The following WAPL variants were observed in gnomAD, a reference collection of about 807,000 sequenced individuals.
The protein encoded by WAPL is wings apart-like protein homolog.
WAPL carries 5 observed loss-of-function variants against 121.0 expected under a neutral mutation model. The observed-to-expected ratio is 0.04, with a 90% CI of 0.02 to 0.09. The LOEUF is 0.09. Among genes scored for constraint, WAPL ranks in the 10% least tolerant of loss-of-function variants. The pLI is 1.00. For missense variants in WAPL, 999 were observed against 1,410.8 expected (o/e 0.71, Z 4.68); for synonymous variants, 480 against 481.5 (o/e 1.00, Z 0.04).
chr10:86,447,147 T>C lies in WAPL; in HGVS notation c.3115-698A>G, dbSNP rs145048024. The stretch of plus-strand genomic sequence containing the variant: ...GTTTCTTCTTTCACTGAGTGCACAG[T>C]GGAGTTTTGGAATCTACATGCCATG... On this transcript the variant is annotated intron_variant, in intron 15 of 18. Transcript: ENST00000298767. Among the ~76,000 whole-genome samples the C allele has an allele frequency of 2.7e-3, 405 of 152,334 alleles. 1 individual carries two copies. Among genetic ancestry groups the C allele is most frequent in the Admixed American group, 5.2e-3 (80 of 15,304 alleles).
chr10:86,445,843 T>C (rs578086304), intron 16 of WAPL, among the ~76,000 whole-genome samples: 1 of 152,298 alleles, frequency 6.6e-6, no homozygotes, highest in East Asian at 1.9e-4. Flanking sequence ...GTTTACCATC[T>C]AGTACTTACA....
intron 11 of WAPL, among the ~76,000 whole-genome samples, chr10:86,459,638 T>A (rs1357717968): frequency 1.3e-5 from 2 of 152,254 alleles, no homozygotes; most frequent in African/African-American, 4.8e-5. Flanking sequence ...TCGCTGCAGT[T>A]CAACAGTATC....
chr10:86,505,997 C>A (rs1842341987), intron 2 of WAPL, among the ~76,000 whole-genome samples: 1 of 152,150 alleles, frequency 6.6e-6, no homozygotes, highest in African/African-American at 2.4e-5. Flanking sequence ...TGGTTCATGA[C>A]AGTAATACCA....
intron 2 of WAPL, among the ~76,000 whole-genome samples, chr10:86,504,423 TC>T (rs1399898796): frequency 1.3e-5 from 2 of 150,982 alleles, no homozygotes; most frequent in African/African-American, 4.9e-5. Flanking sequence ...ACGCCTGTAA[TC>T]CCAGCACTTT....
chr10:86,496,258 C>T (rs1240792331), intron 4 of WAPL, among the ~76,000 whole-genome samples: 1 of 152,150 alleles, frequency 6.6e-6, no homozygotes, highest in Admixed American at 6.6e-5. Flanking sequence ...CCACTTCACA[C>T]CCATTAGGCT....
chr10:86,504,866 G>C (rs1391120231), intron 2 of WAPL, among the ~76,000 whole-genome samples: 2 of 151,934 alleles, frequency 1.3e-5, no homozygotes, highest in African/African-American at 4.8e-5. Context: ...TGATGCCAAA[G>C]AACTTTTTTG....
intron 17 of WAPL, 29 bp downstream of exon 17, chr10:86,443,246 C>T (rs764974150): frequency 2.0e-6 from 3 of 1,538,078 alleles, no homozygotes; most frequent in East Asian, 4.5e-5. Context: ...TTCAAAGATA[C>T]ATAAAACATC....
In WAPL at chr10:86,467,501, C is replaced by G. The variant is rs370535099; in HGVS notation, c.2148G>C (p.Leu716=). 11 of 1,602,672 alleles carry G rather than the reference C, an allele frequency of 6.9e-6. No individual in the cohort carries two copies. The highest frequency in any genetic ancestry group is 2.2e-5 in the East Asian group (1 of 44,788). ...ACATGAGGGCAGCTGTACAGAGGGA[C>G]AGATTCTTCAACAGGCCAAAAAAAG... ...TLDDSQHHQN[L]SLCTAALMYI... is the part of the protein sequence containing the mutation. The change falls in exon 9 of 19, where the codon CTG becomes CTC. Residue 716 remains leucine, a synonymous_variant. Transcript: ENST00000298767.
chr10:86,461,453 G>A (rs548414303), intron 9 of WAPL, among the ~76,000 whole-genome samples, 166 bp from the exon 10 acceptor site: 2 of 152,186 alleles, frequency 1.3e-5, no homozygotes, highest in African/African-American at 4.8e-5. Context: ...ATTGAACAAA[G>A]TTTTTTAACC....
At position 86,517,742 on chromosome 10, in the gene WAPL, T is replaced by G. The variant is rs1842587925; in HGVS notation, c.328A>C (p.Thr110Pro). ...TTGCTATTAGCTTCAAGTACTGAAG[T>G]GACCTCTTCCAACTGAGCAGCTTCA... ...SSEAAQLEEV[T>P]SVLEANSKIS... Residue 110 changes from threonine to proline, a missense_variant, in exon 2 of 19, where the codon ACT (threonine) becomes CCT (proline). Thr to Pro is a conservative substitution (Grantham distance 38). Transcript: ENST00000298767. 6.2e-7 allele frequency: 1 copy of G among 1,614,220 alleles called. No homozygotes were observed. Among genetic ancestry groups the G allele is most frequent in the South Asian group, 1.1e-5 (1 of 91,086 alleles).
intron 2 of WAPL, among the ~76,000 whole-genome samples, chr10:86,509,888 C>T (rs979161237): frequency 2.0e-5 from 3 of 151,486 alleles, no homozygotes; most frequent in African/African-American, 2.4e-5. Flanking sequence ...CCTCAGGCTC[C>T]GGACTAGCTG....
intron 12 of WAPL, 148 bp from the exon 13 acceptor site, chr10:86,453,979 T>C: frequency 1.5e-6 from 1 of 675,696 alleles, no homozygotes; most frequent in Non-Finnish European, 2.2e-6. Context: ...TCAAGGAATG[T>C]TAAAATTAAA....
chr10:86,507,667 C>T (rs1402291989), intron 2 of WAPL, among the ~76,000 whole-genome samples: 3 of 151,920 alleles, frequency 2.0e-5, no homozygotes, highest in East Asian at 1.9e-4. Context: ...AGAAGCTTGC[C>T]GTATATCCTA....
At chr10:86,468,339 C>T (rs544183012) in intron 8 of WAPL, among the ~76,000 whole-genome samples, 7 of 151,994 alleles carry the variant, frequency 4.6e-5, no homozygotes, top group African/African-American at 7.2e-5. Flanking sequence ...CTGGGACAAC[C>T]GGCAGGCGCC....
In WAPL at chr10:86,458,926, G is replaced by A. The variant is rs949062373; in HGVS notation, c.2657+63C>T. 9.2e-5 allele frequency: 126 copies of A among 1,365,938 alleles called. No homozygotes were observed. In the South Asian group the frequency reaches 1.6e-3, roughly 18 times the overall value. 84.6% of individuals were successfully genotyped at this position (1,365,938 alleles called of 1,614,324 possible). ...CTAATCCAAATTTCTTTCATTTATG[G>A]TCAATCCAAATGTTTAAAATAAGTA... On this transcript the variant is annotated intron_variant, in intron 12 of 18. Coordinates refer to ENST00000298767, the MANE Select transcript of WAPL (RefSeq NM_015045.5).
intron 4 of WAPL, among the ~76,000 whole-genome samples, chr10:86,476,361 T>C (rs1389853267): frequency 6.7e-6 from 1 of 149,266 alleles, no homozygotes; most frequent in Non-Finnish European, 1.5e-5. Context: ...CGAGACTCTG[T>C]CTCAAAAAAT....
intron 4 of WAPL, 62 bp from the exon 5 acceptor site, chr10:86,474,035 C>A: frequency 7.4e-7 from 1 of 1,346,934 alleles, no homozygotes; most frequent in South Asian, 1.2e-5. Context: ...AACTAAAAAT[C>A]ATAAAGAATA....
intron 4 of WAPL, among the ~76,000 whole-genome samples, chr10:86,482,904 A>G (rs2132204466): frequency 6.6e-6 from 1 of 152,334 alleles, no homozygotes; most frequent in South Asian, 2.1e-4. Flanking sequence ...TCTGACTTAT[A>G]GCATGGTAAC....
intron 15 of WAPL, among the ~76,000 whole-genome samples, chr10:86,451,235 C>A (rs1201869952): frequency 5.3e-5 from 8 of 151,994 alleles, no homozygotes; most frequent in Non-Finnish European, 1.2e-4. Context: ...AGCCACTGCA[C>A]CCAATTTCAT....
Sources: gnomAD v4.1 joint callset for allele counts (sites outside exome capture counted in the v4.1 genomes callset) on GRCh38, gnomAD v4.1.1 for gene constraint, MANE v1.5 for transcripts, NCBI Gene and HGNC (gene_info 2026-07-23, HGNC 2026-07-21) for gene names.